Variants in SMARCC1 observed in about 807,000 individuals in gnomAD.
SMARCC1 encodes the protein SWI/SNF complex subunit SMARCC1.
Under a neutral mutation model 147.4 loss-of-function variants are expected in SMARCC1, and 43 were observed. The observed-to-expected ratio is 0.29, with a 90% CI of 0.23 to 0.38. The LOEUF is 0.38. Among genes scored for constraint, SMARCC1 ranks in the 10% least tolerant of loss-of-function variants. SMARCC1 has a pLI of 1.00. For synonymous variants in SMARCC1, 495 were observed against 484.4 expected, an observed-to-expected ratio of 1.02 and a Z score of -0.29; for missense variants, 1,119 against 1,381.1, an observed-to-expected ratio of 0.81 and a Z score of 3.01.
At chr3:47,763,137 C>G (rs564532347) in intron 2 of SMARCC1, among the ~76,000 whole-genome samples, 1 of 151,392 alleles carries the variant, frequency 6.6e-6, no homozygotes, top group South Asian at 2.1e-4. Flanking sequence ...CTCAATGCAT[C>G]TCCTTCTTCA....
At chr3:47,764,848 C>G (rs150473936) in intron 2 of SMARCC1, among the ~76,000 whole-genome samples, 2 of 152,276 alleles carry the variant, frequency 1.3e-5, no homozygotes, top group Admixed American at 1.3e-4. Context: ...TCCTACATGG[C>G]CCCCAAGTTA....
chr3:47,706,343 A>T (rs1000121287), intron 10 of SMARCC1, 66 bp downstream of exon 10: 5 of 1,405,356 alleles, frequency 3.6e-6, no homozygotes, highest in Non-Finnish European at 1.9e-6. Context: ...AAGTGCTGGG[A>T]TTATAAGTGT....
At chr3:47,758,417 T>C (rs2034729615) in intron 2 of SMARCC1, among the ~76,000 whole-genome samples, 1 of 150,664 alleles carries the variant, frequency 6.6e-6, no homozygotes, top group Admixed American at 6.6e-5. Flanking sequence ...CACGTGGTAG[T>C]ATATGCCTAG....
rs182929497 is a variant in SMARCC1 at position 47,601,203 on chromosome 3, T to C, written c.3043+8863A>G. Among the ~76,000 whole-genome samples, 296 of 151,998 alleles carry C rather than the reference T, an allele frequency of 1.9e-3. 3 individuals are homozygous for C. The highest frequency in any genetic ancestry group is 6.6e-3 in the African/African-American group (273 of 41,490). On this transcript the variant is annotated intron_variant, in intron 26 of 27. Coordinates refer to ENST00000254480, the MANE Select transcript of SMARCC1 (RefSeq NM_003074.4). ...CTTTGCTAAAATTAGGTTTAACTAG[T>C]AGAAAAATCCCTCATTCTCTCTCAG...
intron 21 of SMARCC1, among the ~76,000 whole-genome samples, chr3:47,647,109 A>G (rs1344988985): frequency 6.6e-6 from 1 of 152,236 alleles, no homozygotes; most frequent in Non-Finnish European, 1.5e-5. Flanking sequence ...CATGATGCAC[A>G]ATGAAATGAT....
chr3:47,757,017 G>A (rs371090496), intron 2 of SMARCC1, among the ~76,000 whole-genome samples: 2 of 151,848 alleles, frequency 1.3e-5, no homozygotes, highest in South Asian at 2.1e-4. Context: ...TTGGGACGCC[G>A]AGCTGGGAGA....
intron 2 of SMARCC1, among the ~76,000 whole-genome samples, chr3:47,768,719 C>CT (rs1333807934): frequency 1.1e-4 from 17 of 152,176 alleles, no homozygotes; most frequent in African/African-American, 3.9e-4. Flanking sequence ...AATACTTTAG[C>CT]TGTAAAGGAA....
chr3:47,687,724 C>T (rs958798800), intron 13 of SMARCC1, among the ~76,000 whole-genome samples: 1 of 152,136 alleles, frequency 6.6e-6, no homozygotes, highest in African/African-American at 2.4e-5. Flanking sequence ...CCACCTGGGC[C>T]TCTCAAAGAA....
At chr3:47,642,135 AG>A (rs1410415538) in intron 21 of SMARCC1, among the ~76,000 whole-genome samples, 2 of 152,234 alleles carry the variant, frequency 1.3e-5, no homozygotes, top group African/African-American at 4.8e-5. Context: ...TCCAAAAAAA[AG>A]AAGAAAGAAG....
Position 47,664,292 on chromosome 3 carries a change from A to G in SMARCC1, c.1900-1700T>C, listed in dbSNP as rs143925651. 1.5e-3 allele frequency among the ~76,000 whole-genome samples: 229 copies of G among 152,252 alleles called. 1 individual carries two copies. Among genetic ancestry groups the G allele is most frequent in the African/African-American group, 4.4e-3 (184 of 41,548 alleles). On this transcript the variant is annotated intron_variant, in intron 19 of 27. Transcript: ENST00000254480. ...GACTAGAATGAGTAAAACATGAGAGAACTCAAAGACCCAAATAAAGGAAGA... is the reference window on the plus strand; with the variant it reads ...GACTAGAATGAGTAAAACATGAGAGGACTCAAAGACCCAAATAAAGGAAGA...
At chr3:47,763,736 T>C (rs958421261) in intron 2 of SMARCC1, among the ~76,000 whole-genome samples, 1 of 151,982 alleles carries the variant, frequency 6.6e-6, no homozygotes, top group South Asian at 2.1e-4. Context: ...AGGTTTTTTT[T>C]CTCAAACAGG....
At chr3:47,678,488 A>G (rs928135851) in intron 15 of SMARCC1, 177 bp from the exon 16 acceptor site, 27 of 415,782 alleles carry the variant, frequency 6.5e-5, no homozygotes, top group Non-Finnish European at 3.9e-5. Context: ...TAGAACCACG[A>G]ATATGCAAAA....
chr3:47,747,260 C>A (rs938653834), intron 2 of SMARCC1, among the ~76,000 whole-genome samples: 8 of 151,398 alleles, frequency 5.3e-5, no homozygotes, highest in African/African-American at 1.9e-4. Context: ...ATGGTGAAAC[C>A]CCGTCTCAAC....
chr3:47,690,949 C>T (rs1336551711), intron 12 of SMARCC1, among the ~76,000 whole-genome samples: 1 of 152,144 alleles, frequency 6.6e-6, no homozygotes, highest in Non-Finnish European at 1.5e-5. Context: ...CAAAAACAAA[C>T]ACTTGGTCCG....
intron 2 of SMARCC1, among the ~76,000 whole-genome samples, chr3:47,768,420 A>C (rs937658450): frequency 3.3e-5 from 5 of 152,168 alleles, no homozygotes; most frequent in African/African-American, 1.2e-4. Context: ...TCTGGAACTA[A>C]ATAATGGTTT....
At chr3:47,768,372 G>T (rs921565724) in intron 2 of SMARCC1, among the ~76,000 whole-genome samples, 5 of 152,204 alleles carry the variant, frequency 3.3e-5, no homozygotes, top group Admixed American at 2.6e-4. Flanking sequence ...TTTAATTACG[G>T]CTTCTGCCTA....
At position 47,683,533 on chromosome 3, in the gene SMARCC1, T is replaced by C. The variant is rs564047776; in HGVS notation, c.1385+2516A>G. The stretch of plus-strand genomic sequence containing the variant: ...CCTTTAAAAATAACACGGTAATCAT[T>C]GAGAGCAGGCAAAAGGTATAAAAAG... On this transcript the variant is annotated intron_variant, in intron 14 of 27. Transcript: ENST00000254480. 1.4e-4 allele frequency among the ~76,000 whole-genome samples: 22 copies of C among 152,178 alleles called. No individual in the cohort carries two copies. The South Asian group carries it at 3.9e-3, about 27-fold the overall frequency.
At chr3:47,697,097 G>GCTTGACCTC (rs1559647899) in intron 11 of SMARCC1, among the ~76,000 whole-genome samples, 1 of 152,184 alleles carries the variant, frequency 6.6e-6, no homozygotes, top group African/African-American at 2.4e-5. Context: ...GAGGAGGGTA[G>GCTTGACCTC]ATTGCTTGAG....
intron 2 of SMARCC1, among the ~76,000 whole-genome samples, chr3:47,759,143 C>A (rs1331827666): frequency 2.0e-5 from 3 of 152,052 alleles, no homozygotes; most frequent in Admixed American, 6.6e-5. Flanking sequence ...TCCCAAATAG[C>A]TGGGACGACA....
Sources: gnomAD v4.1 joint callset for allele counts (sites outside exome capture counted in the v4.1 genomes callset) on GRCh38, gnomAD v4.1.1 for gene constraint, MANE v1.5 for transcripts, NCBI Gene and HGNC (gene_info 2026-07-23, HGNC 2026-07-21) for gene names.